SYT1: variants seen among roughly 807,000 people sequenced by gnomAD.
SYT1 encodes the protein synaptotagmin-1.
A neutral mutation model predicts 44.8 loss-of-function variants in SYT1; 8 were observed. The observed-to-expected ratio is 0.18, with a 90% confidence interval of 0.10 to 0.32. The LOEUF (loss-of-function observed/expected upper bound fraction) is 0.32, where lower values mean the gene tolerates loss of function less well. Ranked by LOEUF, SYT1 falls within the 10% of genes least tolerant of loss-of-function variation. The pLI is 1.00. For missense variants in SYT1, 286 were observed against 509.3 expected (o/e 0.56, Z 4.22); for synonymous variants, 154 against 188.8 (o/e 0.82, Z 1.51).
chr12:78,879,318 A>T (rs1225652313), intron 1 of SYT1, among the ~76,000 whole-genome samples: 1 of 151,740 alleles, frequency 6.6e-6, no homozygotes, highest in African/African-American at 2.4e-5. Flanking sequence ...AGTCTCCAAC[A>T]ATGATATGTG....
chr12:78,991,616 C>T (rs1356588520), intron 2 of SYT1, among the ~76,000 whole-genome samples: 1 of 152,030 alleles, frequency 6.6e-6, no homozygotes, highest in Non-Finnish European at 1.5e-5. Flanking sequence ...AGATGTGGCA[C>T]TATTTAAAAT....
At chr12:79,337,029 C>T (rs1882121623) in intron 8 of SYT1, among the ~76,000 whole-genome samples, 1 of 152,176 alleles carries the variant, frequency 6.6e-6, no homozygotes, top group East Asian at 1.9e-4. Context: ...TGTGACTTGC[C>T]TTAGTCTATC....
intron 3 of SYT1, among the ~76,000 whole-genome samples, chr12:79,187,305 G>C (rs965342131): frequency 1.7e-4 from 26 of 152,072 alleles, no homozygotes; most frequent in African/African-American, 6.3e-4. Flanking sequence ...TAATAGGAAG[G>C]TCTTAAGCGG....
intron 3 of SYT1, among the ~76,000 whole-genome samples, chr12:79,142,160 C>T (rs1054394043): frequency 4.6e-5 from 7 of 152,182 alleles, no homozygotes; most frequent in African/African-American, 1.2e-4. Context: ...GAATGATTAA[C>T]GCACAGACAT....
At chr12:79,147,002 G>A (rs1463558512) in intron 3 of SYT1, among the ~76,000 whole-genome samples, 3 of 151,912 alleles carry the variant, frequency 2.0e-5, no homozygotes, top group African/African-American at 4.8e-5. Context: ...CACCATGTCC[G>A]GCTAATTTTT....
chr12:78,878,792 C>A (rs1033346511), intron 1 of SYT1, among the ~76,000 whole-genome samples: 26 of 151,680 alleles, frequency 1.7e-4, no homozygotes, highest in African/African-American at 4.8e-5. Context: ...TACCACATAG[C>A]CATTGCGGAT....
intron 3 of SYT1, among the ~76,000 whole-genome samples, chr12:79,094,441 G>C (rs1417167575): frequency 1.3e-5 from 2 of 151,704 alleles, no homozygotes; most frequent in African/African-American, 4.8e-5. Context: ...ATTCTTCCAA[G>C]AAATTTTATC....
intron 3 of SYT1, among the ~76,000 whole-genome samples, chr12:79,122,533 A>AAAAAAAAG: frequency 2.0e-5 from 3 of 150,270 alleles, no homozygotes; most frequent in African/African-American, 4.9e-5. Context: ...AAAAAAAAAA[A>AAAAAAAAG]AGAGATTCAT....
intron 1 of SYT1, among the ~76,000 whole-genome samples, chr12:78,893,585 T>C (rs1364320259): frequency 1.3e-5 from 2 of 151,758 alleles, no homozygotes; most frequent in Admixed American, 1.3e-4. Context: ...GAGGCAAAGA[T>C]GTCAAGTCTT....
intron 8 of SYT1, among the ~76,000 whole-genome samples, chr12:79,326,424 C>T (rs1207645572): frequency 3.3e-5 from 5 of 152,308 alleles, no homozygotes; most frequent in South Asian, 2.1e-4. Context: ...GAATGAGATG[C>T]GGTCATTAGA....
At chr12:79,323,902 T>A (rs1000137885) in intron 8 of SYT1, among the ~76,000 whole-genome samples, 4 of 150,692 alleles carry the variant, frequency 2.7e-5, no homozygotes, top group Non-Finnish European at 4.4e-5. Flanking sequence ...GAAATGAGAA[T>A]AATTATTTTA....
chr12:79,341,607 C>T (rs901296966), intron 8 of SYT1, among the ~76,000 whole-genome samples: 12 of 149,496 alleles, frequency 8.0e-5, no homozygotes, highest in African/African-American at 3.0e-4. Context: ...TGGTAAACTA[C>T]AGAGACTCTG....
In SYT1 at chr12:79,180,030, G is replaced by A. The variant is rs1872424545; in HGVS notation, c.-17-37473G>A. Among the ~76,000 whole-genome samples, 2 of 152,008 alleles carry A rather than the reference G, an allele frequency of 1.3e-5. 1 individual carries two copies. The highest frequency in any genetic ancestry group is 4.2e-4 in the South Asian group (2 of 4,816). On this transcript the variant is annotated intron_variant, in intron 3 of 10. Coordinates refer to ENST00000261205, the MANE Select transcript of SYT1 (RefSeq NM_005639.3). ...TGCTATAATGATGTACTTTGTGCAT[G>A]TTATTTTATATTCTTCAAGACGTAT...
intron 1 of SYT1, among the ~76,000 whole-genome samples, chr12:78,868,193 C>T (rs1376603987): frequency 6.6e-6 from 1 of 151,630 alleles, no homozygotes; most frequent in Non-Finnish European, 1.5e-5. Context: ...TATTTATTTT[C>T]CTAATGGTAA....
chr12:79,294,226 G>C (rs1239777083), intron 6 of SYT1, among the ~76,000 whole-genome samples: 1 of 151,856 alleles, frequency 6.6e-6, no homozygotes, highest in East Asian at 1.9e-4. Context: ...ATAACACTGA[G>C]AATTTTTTTA....
intron 2 of SYT1, among the ~76,000 whole-genome samples, chr12:79,033,281 G>A (rs1872932528): frequency 6.6e-6 from 1 of 151,218 alleles, no homozygotes; most frequent in African/African-American, 2.4e-5. Flanking sequence ...TAATTAGATT[G>A]AACTCTTCCC....
intron 3 of SYT1, among the ~76,000 whole-genome samples, chr12:79,178,823 G>T (rs549376817): frequency 6.7e-6 from 1 of 149,614 alleles, no homozygotes; most frequent in South Asian, 2.1e-4. Flanking sequence ...TATAGCCCAG[G>T]CTGGAGTGCG....
chr12:79,077,000 A>G (rs1876703565), intron 3 of SYT1, among the ~76,000 whole-genome samples: 1 of 152,082 alleles, frequency 6.6e-6, no homozygotes, highest in African/African-American at 2.4e-5. Context: ...TGCTGGATCT[A>G]CTGTGTCAAT....
chr12:79,012,131 C>CAAAAAA (rs374383589), intron 2 of SYT1, among the ~76,000 whole-genome samples: 1 of 73,506 alleles, frequency 1.4e-5, no homozygotes, highest in African/African-American at 4.4e-5. Context: ...GATTCTGTCT[C>CAAAAAA]AAAAAAAAAA....
Sources: allele counts gnomAD v4.1 joint callset (sites outside exome capture counted in the v4.1 genomes callset), GRCh38; gene constraint gnomAD v4.1.1; transcripts MANE v1.5; gene names NCBI Gene and HGNC (gene_info 2026-07-23, HGNC 2026-07-21).